Variants in PRIM2 observed in about 807,000 individuals in gnomAD.
The protein encoded by PRIM2 is DNA primase large subunit.
Under a neutral mutation model 67.3 loss-of-function variants are expected in PRIM2, and 39 were observed. The ratio of observed to expected loss-of-function variants is 0.58; its 90% CI spans 0.45 to 0.76. The LOEUF (loss-of-function observed/expected upper bound fraction) is 0.76, where lower values mean the gene tolerates loss of function less well. Ranked by LOEUF, PRIM2 falls within the 30% of genes least tolerant of loss-of-function variation. PRIM2 has a pLI of 0.00. For synonymous variants in PRIM2, 143 were observed against 198.7 expected, an observed-to-expected ratio of 0.72 and a Z score of 2.36; for missense variants, 398 against 598.7, an observed-to-expected ratio of 0.66 and a Z score of 3.50.
chr6:57,646,106 C>T lies in PRIM2; in HGVS notation c.1478C>T (p.Ser493Phe). 6.3e-7 allele frequency: 1 copy of T among 1,599,842 alleles called. No individual in the cohort carries two copies. The highest frequency in any genetic ancestry group is 8.6e-7 in the Non-Finnish European group (1 of 1,167,010). The change falls in exon 14 of 14, where the codon TCT becomes TTT. Residue 493 changes from serine to phenylalanine, a missense_variant. Around this residue, in one of 4 missense-constraint regions of PRIM2, gnomAD observed 72 missense variants for 89.4 expected, o/e 0.81. Coordinates refer to ENST00000615550, the MANE Select transcript of PRIM2 (RefSeq NM_000947.5). ...TCTGCTCTGGCCTCTTTAAATTCCT[C>T]TCTGGAAATGGATATGGAAGGACTA... Reference protein sequence around the residue: ...ASSALASLNSSLEMDMEGLED... With the variant: ...ASSALASLNSFLEMDMEGLED...
At chr6:57,628,486 C>T (rs1344826860) in intron 12 of PRIM2, among the ~76,000 whole-genome samples, 4 of 152,160 alleles carry the variant, frequency 2.6e-5, no homozygotes, top group Admixed American at 6.5e-5. Context: ...TTTCTTAATA[C>T]GTTTTTAAAA....
intron 10 of PRIM2, among the ~76,000 whole-genome samples, chr6:57,538,507 T>C (rs1775046170): frequency 1.3e-5 from 2 of 152,232 alleles, no homozygotes; most frequent in Admixed American, 1.3e-4. Context: ...CACTGTGGTA[T>C]GAAGAACATT....
At chr6:57,416,765 C>T (rs1465803202) in intron 7 of PRIM2, among the ~76,000 whole-genome samples, 5 of 152,130 alleles carry the variant, frequency 3.3e-5, no homozygotes, top group African/African-American at 1.2e-4. Flanking sequence ...TGGCTGCTCT[C>T]CTTAAACCTC....
At chr6:57,243,340 T>C in the PRIM2 span, among the ~76,000 whole-genome samples, 1 of 152,088 alleles carries the variant, frequency 6.6e-6, no homozygotes. Flanking sequence ...GCTGTGTACA[T>C]ATGAGAAAGG....
intron 7 of PRIM2, among the ~76,000 whole-genome samples, chr6:57,474,355 T>C (rs1162215263): frequency 6.6e-6 from 1 of 151,848 alleles, no homozygotes; most frequent in Non-Finnish European, 1.5e-5. Context: ...TTTGTTTTTT[T>C]AGTAGAGACA....
At chr6:57,387,368 C>T (rs1770187892) in intron 7 of PRIM2, among the ~76,000 whole-genome samples, 1 of 152,088 alleles carries the variant, frequency 6.6e-6, no homozygotes, top group Non-Finnish European at 1.5e-5. Flanking sequence ...GTTAATCCCA[C>T]TATAAGTCAC....
At chr6:57,372,749 C>A (rs1307514538) in intron 5 of PRIM2, among the ~76,000 whole-genome samples, 1 of 152,160 alleles carries the variant, frequency 6.6e-6, no homozygotes, top group Non-Finnish European at 1.5e-5. Context: ...ATAATGGCCT[C>A]TAGCTCCATC....
chr6:57,355,210 A>T (rs568475557), intron 5 of PRIM2, among the ~76,000 whole-genome samples: 575 of 152,192 alleles, frequency 3.8e-3, no homozygotes, highest in African/African-American at 0.013. Flanking sequence ...AGGCTGAGGC[A>T]AGAGAATCAC....
chr6:57,575,263 G>A (rs1775942874), intron 10 of PRIM2, among the ~76,000 whole-genome samples: 1 of 152,148 alleles, frequency 6.6e-6, no homozygotes, highest in Admixed American at 6.5e-5. Flanking sequence ...AGTTAATACA[G>A]CCAATAAATA....
At chr6:57,443,953 A>G (rs1397233858) in intron 7 of PRIM2, among the ~76,000 whole-genome samples, 3 of 152,046 alleles carry the variant, frequency 2.0e-5, no homozygotes, top group Admixed American at 1.3e-4. Context: ...ATGGTGTGAG[A>G]TAAGGGTCCA....
chr6:57,609,547 A>C (rs1776627334), intron 12 of PRIM2, among the ~76,000 whole-genome samples: 1 of 152,218 alleles, frequency 6.6e-6, no homozygotes, highest in Non-Finnish European at 1.5e-5. Flanking sequence ...ACATTATCTC[A>C]AGAAAATTAA....
chr6:57,593,584 G>A (rs1201763972), intron 10 of PRIM2, among the ~76,000 whole-genome samples: 14 of 152,276 alleles, frequency 9.2e-5, no homozygotes, highest in East Asian at 5.8e-4. Context: ...GTGAGCCACC[G>A]TGCCCGGCCT....
intron 7 of PRIM2, among the ~76,000 whole-genome samples, chr6:57,435,571 C>T (rs1423806951): frequency 6.6e-6 from 1 of 152,198 alleles, no homozygotes; most frequent in Non-Finnish European, 1.5e-5. Flanking sequence ...TGGGCTTCTG[C>T]TCCTAAGATC....
chr6:57,453,428 T>C (rs1331614612), intron 7 of PRIM2, among the ~76,000 whole-genome samples: 1 of 152,172 alleles, frequency 6.6e-6, no homozygotes, highest in Non-Finnish European at 1.5e-5. Flanking sequence ...GCATGGAATG[T>C]TCTTCCATTT....
chr6:57,405,163 T>A (rs1029877), intron 7 of PRIM2, among the ~76,000 whole-genome samples: 11 of 150,072 alleles, frequency 7.3e-5, no homozygotes, highest in African/African-American at 2.2e-4. Context: ...TTTTTTTTGG[T>A]GGGGAGGGGT....
At chr6:57,243,917 T>G in the PRIM2 span, among the ~76,000 whole-genome samples, 9 of 152,344 alleles carry the variant, frequency 5.9e-5, no homozygotes, top group Admixed American at 4.6e-4. Context: ...TGCTGTAGCT[T>G]TAATTATACC....
chr6:57,496,853 G>C (rs1419818344), intron 7 of PRIM2, among the ~76,000 whole-genome samples: 2 of 152,118 alleles, frequency 1.3e-5, no homozygotes, highest in African/African-American at 2.4e-5. Context: ...TGTCATCTCT[G>C]TCTCTCTGAA....
At chr6:57,459,043 T>A (rs1222889573) in intron 7 of PRIM2, among the ~76,000 whole-genome samples, 1 of 152,214 alleles carries the variant, frequency 6.6e-6, no homozygotes, top group Non-Finnish European at 1.5e-5. Flanking sequence ...ATTGTTATTA[T>A]CAGCAAGAGC....
chr6:57,499,569 AGAC>A (rs1196079162), intron 7 of PRIM2, among the ~76,000 whole-genome samples: 2 of 152,324 alleles, frequency 1.3e-5, no homozygotes, highest in Non-Finnish European at 2.9e-5. Context: ...AATTACCATT[AGAC>A]TATACCCTTT....
Sources: gnomAD v4.1 joint callset for allele counts (sites outside exome capture counted in the v4.1 genomes callset) on GRCh38, gnomAD v4.1.1 for gene constraint, gnomAD v4.1.1 regional missense constraint, MANE v1.5 for transcripts, NCBI Gene and HGNC (gene_info 2026-07-23, HGNC 2026-07-21) for gene names.